IFT25: variants seen among roughly 807,000 people sequenced by gnomAD.
IFT25 encodes intraflagellar transport 25, also known as intraflagellar transport protein 25 homolog.
At chr1:53,914,124 C>T in the IFT25 span, among the ~76,000 whole-genome samples, 2 of 152,214 alleles carry the variant, frequency 1.3e-5, no homozygotes, top group Admixed American at 1.3e-4. Flanking sequence ...TCGAGGCTCT[C>T]TGGAGACATT....
the IFT25 span, chr1:53,930,217 C>T: frequency 1.5e-5 from 21 of 1,386,204 alleles, no homozygotes; most frequent in African/African-American, 2.6e-4. Flanking sequence ...TTATTGAATA[C>T]CTGTTTTTTA....
At chr1:53,935,026 C>T in the IFT25 span, among the ~76,000 whole-genome samples, 1 of 152,062 alleles carries the variant, frequency 6.6e-6, no homozygotes, top group African/African-American at 2.4e-5. Flanking sequence ...AAGAAAGAAA[C>T]CAGTCACGGC....
the IFT25 span, chr1:53,928,705 T>G: frequency 1.6e-5 from 6 of 379,796 alleles, no homozygotes; most frequent in African/African-American, 6.2e-5. Flanking sequence ...TCCGATTTTT[T>G]TGTGTGTATG....
chr1:53,942,752 T>C, the IFT25 span, among the ~76,000 whole-genome samples: 904 of 152,300 alleles, frequency 5.9e-3, 7 homozygotes, highest in African/African-American at 0.021. Context: ...ACTGTGCTAG[T>C]AGTGCAAAGA....
the IFT25 span, chr1:53,940,240 T>C: frequency 1.7e-6 from 1 of 580,526 alleles, no homozygotes; most frequent in East Asian, 2.9e-5. Context: ...CTCTAACATG[T>C]TTGTTTAGGT....
At chr1:53,920,318 A>G in the IFT25 span, among the ~76,000 whole-genome samples, 1 of 151,390 alleles carries the variant, frequency 6.6e-6, no homozygotes, top group Non-Finnish European at 1.5e-5. Flanking sequence ...CTCTTCTATC[A>G]ATATGGATTC....
At chr1:53,938,395 G>A in the IFT25 span, among the ~76,000 whole-genome samples, 1 of 152,152 alleles carries the variant, frequency 6.6e-6, no homozygotes, top group African/African-American at 2.4e-5. Context: ...AAAGGAAAAA[G>A]TAAGGTAACA....
chr1:53,931,990 C>T, the IFT25 span, among the ~76,000 whole-genome samples: 1 of 152,032 alleles, frequency 6.6e-6, no homozygotes, highest in Non-Finnish European at 1.5e-5. Context: ...ATTACTTTCC[C>T]TTGAGACACT....
the IFT25 span, among the ~76,000 whole-genome samples, chr1:53,935,104 A>T: frequency 1.3e-5 from 2 of 152,052 alleles, no homozygotes; most frequent in Non-Finnish European, 2.9e-5. Context: ...TCATGAGGTC[A>T]AGAGATCAAG....
chr1:53,916,892 A>G, the IFT25 span: 2 of 390,558 alleles, frequency 5.1e-6, no homozygotes, highest in African/African-American at 2.1e-5. Flanking sequence ...CTGTAATCCC[A>G]GCACTTTGGG....
chr1:53,917,190 A>C, the IFT25 span: 1 of 153,144 alleles, frequency 6.5e-6, no homozygotes, highest in East Asian at 1.9e-4. Flanking sequence ...AAAAAAAAAA[A>C]TAAATAAAAT....
At chr1:53,915,157 A>C in the IFT25 span, among the ~76,000 whole-genome samples, 1 of 152,212 alleles carries the variant, frequency 6.6e-6, no homozygotes, top group Non-Finnish European at 1.5e-5. Context: ...TTATTCAGTC[A>C]ACAGATATTT....
chr1:53,924,027 A>G, the IFT25 span: 1 of 864,054 alleles, frequency 1.2e-6, no homozygotes, highest in Non-Finnish European at 1.9e-6. Flanking sequence ...TGTTCAGCAA[A>G]ATATGATATC....
the IFT25 span, among the ~76,000 whole-genome samples, chr1:53,933,663 T>C: frequency 1.3e-5 from 2 of 152,234 alleles, no homozygotes; most frequent in Admixed American, 1.3e-4. Context: ...CTTGGATTTT[T>C]ATCCAGTCTG....
chr1:53,927,481 T>C, the IFT25 span, among the ~76,000 whole-genome samples: 2 of 152,184 alleles, frequency 1.3e-5, no homozygotes, highest in South Asian at 4.1e-4. Context: ...ACTCACTCCC[T>C]ACTATATCTG....
At chr1:53,918,511 G>T in the IFT25 span, among the ~76,000 whole-genome samples, 5 of 152,202 alleles carry the variant, frequency 3.3e-5, no homozygotes, top group Admixed American at 3.3e-4. Flanking sequence ...TCATTGGCCA[G>T]AACTGGTCAC....
At chr1:53,933,667 C>T in the IFT25 span, among the ~76,000 whole-genome samples, 1 of 151,964 alleles carries the variant, frequency 6.6e-6, no homozygotes, top group African/African-American at 2.4e-5. Flanking sequence ...GATTTTTATC[C>T]AGTCTGACAA....
At chr1:53,924,709 C>T in the IFT25 span, among the ~76,000 whole-genome samples, 1 of 152,044 alleles carries the variant, frequency 6.6e-6, no homozygotes, top group African/African-American at 2.4e-5. Flanking sequence ...TGGTGGCAGG[C>T]GTCAGTAGTC....
chr1:53,928,593 CA>C, the IFT25 span: 1 of 568,198 alleles, frequency 1.8e-6, no homozygotes. Context: ...TGTATGTTTC[CA>C]AAAAACCCTA....
Sources: gnomAD v4.1 joint callset for allele counts (sites outside exome capture counted in the v4.1 genomes callset) on GRCh38, gnomAD v4.1.1 for gene constraint, MANE v1.5 for transcripts, NCBI Gene and HGNC (gene_info 2026-07-23, HGNC 2026-07-21) for gene names.